Variants in TANC1 observed in about 807,000 individuals in gnomAD.
The protein encoded by TANC1 is protein TANC1.
A neutral mutation model predicts 149.7 loss-of-function variants in TANC1; 77 were observed. The observed-to-expected ratio is 0.51, with a 90% CI of 0.43 to 0.62. The LOEUF (loss-of-function observed/expected upper bound fraction) is 0.62, where lower values mean the gene tolerates loss of function less well. Among genes scored for constraint, TANC1 ranks in the 20% least tolerant of loss-of-function variants. The probability of loss-of-function intolerance (pLI) is 0.00; values close to 1 mark genes in which losing one functional copy is unlikely to be tolerated. For missense variants in TANC1, 1,985 were observed against 2,321.8 expected, an observed-to-expected ratio of 0.85 and a Z score of 2.98; for synonymous variants, 854 against 925.0, an observed-to-expected ratio of 0.92 and a Z score of 1.39.
In TANC1 at chr2:159,225,638, C is replaced by T. The variant is rs375170431; in HGVS notation, c.3812-50C>T. On this transcript the variant is annotated intron_variant, in intron 23 of 26. Transcript: ENST00000263635. ...CGTGGGGCCACGGAGGAATTGGGAT[C>T]CTTTCCGCAGGGCCTCTGAAGTGCC... is the stretch of plus-strand genomic sequence containing the variant. 6 of 1,488,622 alleles carry T rather than the reference C, an allele frequency of 4.0e-6. No homozygotes were observed. The African/African-American group carries it at 6.9e-5, about 17-fold the overall frequency. The allele number at this position is 1,488,622 out of a possible 1,614,324, so 92.2% of individuals were successfully genotyped here.
chr2:159,149,482 T>A (rs2052535239), intron 6 of TANC1: 1 of 612,594 alleles, frequency 1.6e-6, no homozygotes, highest in Admixed American at 2.6e-5. Context: ...CGTAAGAAAA[T>A]GTCCACATTA....
At chr2:159,047,831 C>A (rs991364492) in intron 2 of TANC1, among the ~76,000 whole-genome samples, 3 of 152,156 alleles carry the variant, frequency 2.0e-5, no homozygotes, top group Non-Finnish European at 4.4e-5. Flanking sequence ...TAAATTGAGA[C>A]CTGTCTCAAA....
chr2:159,053,872 C>T (rs1359087425), intron 2 of TANC1, among the ~76,000 whole-genome samples: 1 of 152,204 alleles, frequency 6.6e-6, no homozygotes, highest in Admixed American at 6.5e-5. Context: ...CTCATTTTGG[C>T]ATGTGTTCTG....
chr2:159,101,051 T>G (rs778468282), intron 4 of TANC1, among the ~76,000 whole-genome samples: 1 of 152,198 alleles, frequency 6.6e-6, no homozygotes, highest in Non-Finnish European at 1.5e-5. Context: ...CAGTGGGTCA[T>G]GCTCCAGGGT....
intron 3 of TANC1, among the ~76,000 whole-genome samples, chr2:159,067,816 T>C (rs770707295): frequency 3.3e-5 from 5 of 152,288 alleles, no homozygotes; most frequent in African/African-American, 1.2e-4. Flanking sequence ...ACCAGTGCCA[T>C]ACTTAGAAGA....
At chr2:159,197,139 A>G (rs1006131761) in intron 18 of TANC1, among the ~76,000 whole-genome samples, 1 of 152,118 alleles carries the variant, frequency 6.6e-6, no homozygotes, top group Admixed American at 6.5e-5. Flanking sequence ...CCTTGTGTTC[A>G]TTTAAAAATA....
chr2:159,088,539 A>G (rs1439874169), intron 3 of TANC1, among the ~76,000 whole-genome samples: 3 of 152,128 alleles, frequency 2.0e-5, no homozygotes, highest in Non-Finnish European at 2.9e-5. Context: ...AGTCTATAGT[A>G]TAGATATATA....
At chr2:159,010,176 C>A (rs1379058033) in intron 2 of TANC1, among the ~76,000 whole-genome samples, 1 of 152,100 alleles carries the variant, frequency 6.6e-6, no homozygotes, top group Non-Finnish European at 1.5e-5. Flanking sequence ...GTATTCAGCC[C>A]TGGAGTTTTC....
At chr2:159,090,796 A>G (rs2045447285) in intron 3 of TANC1, among the ~76,000 whole-genome samples, 1 of 152,234 alleles carries the variant, frequency 6.6e-6, no homozygotes, top group Admixed American at 6.5e-5. Context: ...CAAATGCTGC[A>G]AGAGTTAATA....
chr2:158,995,619 C>T (rs1357453443), intron 1 of TANC1, among the ~76,000 whole-genome samples: 1 of 152,184 alleles, frequency 6.6e-6, no homozygotes, highest in African/African-American at 2.4e-5. Context: ...AATGAGAAAC[C>T]TTCCAGACAG....
intron 2 of TANC1, chr2:159,003,924 T>C: frequency 6.2e-7 from 1 of 1,612,692 alleles, no homozygotes; most frequent in Non-Finnish European, 8.5e-7. Context: ...AAGAAGAAGG[T>C]GGTACATAGA....
At chr2:159,053,275 A>AG (rs758196856) in intron 2 of TANC1, among the ~76,000 whole-genome samples, 15 of 150,862 alleles carry the variant, frequency 9.9e-5, no homozygotes, top group South Asian at 4.2e-4. Flanking sequence ...ACAGAGCTTA[A>AG]GGGAAAAAAA....
At chr2:159,148,848 T>C in intron 5 of TANC1, 1 of 241,762 alleles carries the variant, frequency 4.1e-6, no homozygotes, top group Non-Finnish European at 7.9e-6. Flanking sequence ...CCCAAGCTGA[T>C]GTCTGAAGTA....
At chr2:158,978,707 T>A in intron 1 of TANC1, among the ~76,000 whole-genome samples, 1 of 152,218 alleles carries the variant, frequency 6.6e-6, no homozygotes, top group Admixed American at 6.5e-5. Context: ...ATGGGCTCTG[T>A]AGTGCTTAGC....
chr2:159,168,017 A>G lies in TANC1; in HGVS notation c.947-1233A>G, dbSNP rs140621040. ...GCTAAGAAGGCTTTACCCAGGCACT[A>G]TGTCTCCCTCTAGGCTCTCATTTGC... is the stretch of plus-strand genomic sequence containing the variant. On this transcript the variant is annotated intron_variant, in intron 8 of 26. Coordinates refer to ENST00000263635, the MANE Select transcript of TANC1 (RefSeq NM_033394.3). Among the ~76,000 whole-genome samples the G allele has an allele frequency of 2.5e-3, 378 of 152,228 alleles. 2 individuals carry two copies. The highest frequency in any genetic ancestry group is 4.1e-3 in the Non-Finnish European group (280 of 68,008).
chr2:159,162,366 A>T (rs749852566), intron 7 of TANC1, among the ~76,000 whole-genome samples: 2 of 152,022 alleles, frequency 1.3e-5, no homozygotes, highest in Non-Finnish European at 2.9e-5. Context: ...ATCGGTGGAC[A>T]TGGCCCCTGT....
chr2:159,074,276 A>C (rs2043432052), intron 3 of TANC1, among the ~76,000 whole-genome samples: 1 of 151,882 alleles, frequency 6.6e-6, no homozygotes, highest in South Asian at 2.1e-4. Context: ...AAAGTTTGTC[A>C]GGGAGTTGCC....
At chr2:159,199,300 A>C (rs1182203337) in intron 19 of TANC1, among the ~76,000 whole-genome samples, 1 of 152,252 alleles carries the variant, frequency 6.6e-6, no homozygotes, top group Non-Finnish European at 1.5e-5. Context: ...GTTACGGTAC[A>C]TCTGATGAAT....
At chr2:159,225,825 C>A in intron 24 of TANC1, 46 bp downstream of exon 24, 1 of 1,403,224 alleles carries the variant, frequency 7.1e-7, no homozygotes, top group Non-Finnish European at 1.0e-6. Flanking sequence ...TGCCTGGGAG[C>A]ACCCTCTTAA....
Sources: gnomAD v4.1 joint callset for allele counts (sites outside exome capture counted in the v4.1 genomes callset) on GRCh38, gnomAD v4.1.1 for gene constraint, MANE v1.5 for transcripts, NCBI Gene and HGNC (gene_info 2026-07-23, HGNC 2026-07-21) for gene names.